Variants in NOTUM observed in about 807,000 individuals in gnomAD.
NOTUM encodes the protein palmitoleoyl-protein carboxylesterase NOTUM.
In NOTUM, 36 loss-of-function variants were observed where a neutral mutation model predicts 65.5. The observed-to-expected ratio is 0.55, with a 90% confidence interval of 0.42 to 0.73. The LOEUF (loss-of-function observed/expected upper bound fraction) is 0.73, where lower values mean the gene tolerates loss of function less well. NOTUM is among the 30% of genes least tolerant of loss of function. The pLI is 0.00. For synonymous variants in NOTUM, 356 were observed against 297.9 expected (o/e 1.20, Z -2.01); for missense variants, 659 against 694.2 (o/e 0.95, Z 0.57).
In NOTUM at chr17:81,955,559, G is replaced by C; in HGVS notation, c.989-15C>G. The C allele has an allele frequency of 6.2e-7, 1 of 1,604,718 alleles. No individual in the cohort carries two copies. Among genetic ancestry groups the C allele is most frequent in the Non-Finnish European group, 8.5e-7 (1 of 1,175,886 alleles). On this transcript the variant is annotated splice_polypyrimidine_tract_variant and intron_variant, in intron 8 of 10. Coordinates refer to ENST00000409678, the MANE Select transcript of NOTUM (RefSeq NM_178493.6). ...GAACACAGGGCCTGCGGGCGGCGGG[G>C]CTCAGTTCGGCCTCCCCTGACCCCC...
Position 81,958,241 on chromosome 17 carries a change from C to T in NOTUM, c.592+94G>A, listed in dbSNP as rs1047089659. 16 of 840,954 alleles carry T rather than the reference C, an allele frequency of 1.9e-5. No homozygotes were observed. In the African/African-American group the frequency reaches 2.3e-4, roughly 12 times the overall value. 52.1% of individuals were successfully genotyped at this position (840,954 alleles called of 1,614,324 possible). A position where few individuals can be genotyped will look rare whatever the true frequency, so the allele number is the denominator to read the frequency against. On this transcript the variant is annotated intron_variant, in intron 5 of 10. Transcript: ENST00000409678. ...GCTTTTCCCCAGAACCCCTGCCGTC[C>T]CGCCTCATCCCTGCCCTGCCGTCCT...
At position 81,959,572 on chromosome 17, in the gene NOTUM, G is replaced by A; in HGVS notation, c.377-6C>T. 1 of 1,548,522 alleles carries A rather than the reference G, an allele frequency of 6.5e-7. No individual in the cohort carries two copies. ...GTTGAAGCAGTACCAGCCGCCTGCGGACACGACCGCCGCTCAGGCCCGCGC... is the reference window on the plus strand; with the variant it reads ...GTTGAAGCAGTACCAGCCGCCTGCGAACACGACCGCCGCTCAGGCCCGCGC... On this transcript the variant is annotated splice_region_variant and splice_polypyrimidine_tract_variant and intron_variant, in intron 2 of 10. Coordinates refer to ENST00000409678, the MANE Select transcript of NOTUM (RefSeq NM_178493.6).
At chr17:81,959,772 G>T in intron 1 of NOTUM, 80 bp from the exon 2 acceptor site, 1 of 873,134 alleles carries the variant, frequency 1.1e-6, no homozygotes. Flanking sequence ...CCGGCGGAGG[G>T]AACGCGCCAC....
chr17:81,956,919 G>A lies in NOTUM; in HGVS notation c.851C>T (p.Thr284Met), dbSNP rs138384810. The change falls in exon 7 of 11, where the codon ACG (threonine) becomes ATG (methionine). Residue 284 changes from threonine to methionine, a missense_variant. Coordinates refer to ENST00000409678, the MANE Select transcript of NOTUM (RefSeq NM_178493.6). ...GCGGATGGCCTCCGTGGGCGCGCAC[G>A]TGATCGTGTCGACGCAGTCTGTGTG... is the stretch of plus-strand genomic sequence containing the variant. Reference protein sequence around the residue: ...YRHTDCVDTITCAPTEAIRRG... With the variant: ...YRHTDCVDTIMCAPTEAIRRG... 9.1e-5 allele frequency: 147 copies of A among 1,612,552 alleles called. 1 individual carries two copies. The highest frequency in any genetic ancestry group is 6.6e-4 in the Middle Eastern group (4 of 6,058).
At position 81,960,539 on chromosome 17, in the gene NOTUM, G is replaced by A. The variant is rs371832012; in HGVS notation, c.323+48C>T. 1.6e-4 allele frequency: 206 copies of A among 1,318,348 alleles called. No individual in the cohort carries two copies. In the African/African-American group the frequency reaches 2.7e-3, roughly 17 times the overall value. The allele number at this position is 1,318,348 out of a possible 1,614,324, so 81.7% of individuals were successfully genotyped here. The stretch of plus-strand genomic sequence containing the variant: ...GGCCCGCAGGGAAGGTCCAGCCGGA[G>A]ACCGGGCGCGTCGGGCGGGGCGGGG... On this transcript the variant is annotated intron_variant, in intron 1 of 10. Transcript: ENST00000409678. This position sits in a 1 kb window ranked among gnomAD's most constrained non-coding sequence, Gnocchi z 6.4.
chr17:81,954,549 G>T (rs113567121), intron 9 of NOTUM, among the ~76,000 whole-genome samples: 1,973 of 152,322 alleles, frequency 0.013, 20 homozygotes, highest in South Asian at 0.03. Flanking sequence ...ATGGCAAGAG[G>T]CTGCCCTAGA....
At position 81,960,718 on chromosome 17, in the gene NOTUM, G is replaced by A. The variant is rs376552740; in HGVS notation, c.192C>T (p.Asp64=). 3.7e-6 allele frequency: 6 copies of A among 1,603,922 alleles called. No homozygotes were observed. The highest frequency in any genetic ancestry group is 1.7e-5 in the Admixed American group (1 of 59,118). ...GGCTCTTGACTTGCGCCATGAAGCTGTCCATGTTACCCTCCACGGCCGTGA... is the reference window on the plus strand; with the variant it reads ...GGCTCTTGACTTGCGCCATGAAGCTATCCATGTTACCCTCCACGGCCGTGA... ...LDFTAVEGNM[D]SFMAQVKSLA... Residue 64 remains aspartate (D), a synonymous_variant, in exon 1 of 11, where the codon GAC becomes GAT. Coordinates refer to ENST00000409678, the MANE Select transcript of NOTUM (RefSeq NM_178493.6). The surrounding 1 kb of genome is among the most constrained non-coding windows in gnomAD (Gnocchi z 6.4).
intron 9 of NOTUM, among the ~76,000 whole-genome samples, chr17:81,954,786 TC>T (rs1266074365): frequency 2.0e-5 from 3 of 151,644 alleles, no homozygotes; most frequent in Non-Finnish European, 2.9e-5. Context: ...CTGGATAATT[TC>T]TGTATGTGCA....
At position 81,956,970 on chromosome 17, in the gene NOTUM, C is replaced by T; in HGVS notation, c.800G>A (p.Trp267Ter). ...GCGATACTGCTTGTTGTCCAGGAACCAGCCGGAGTCAGCCAGGCCTCGCAC... is the reference window on the plus strand; with the variant it reads ...GCGATACTGCTTGTTGTCCAGGAACTAGCCGGAGTCAGCCAGGCCTCGCAC... ...IQVRGLADSG[W>*]FLDNKQYRHT... Residue 267 changes from tryptophan to a stop codon, truncating the protein, a stop_gained, in exon 7 of 11, where the codon TGG becomes TAG. Coordinates refer to ENST00000409678, the MANE Select transcript of NOTUM (RefSeq NM_178493.6). LOFTEE classifies it high-confidence loss of function. 1 of 1,613,420 alleles carries T rather than the reference C, an allele frequency of 6.2e-7. No individual in the cohort carries two copies. The highest frequency in any genetic ancestry group is 8.5e-7 in the Non-Finnish European group (1 of 1,179,934).
At position 81,957,833 on chromosome 17, in the gene NOTUM, G is replaced by A. The variant is rs1490854880; in HGVS notation, c.668C>T (p.Ala223Val). ...RELLGRGLSGAKVLLLAGSSA... is the reference protein window; with the variant it reads ...RELLGRGLSGVKVLLLAGSSA... ...GCTCCCGGCCAGCAGCAGCACCTTG[G>A]CCCCGCTCAGCCCTCTGCCCAGAAG... Residue 223 changes from alanine to valine, a missense_variant, in exon 6 of 11, where the codon GCC (alanine) becomes GTC (valine). Physicochemically the swap from Ala to Val is moderately conservative, Grantham distance 64. Coordinates refer to ENST00000409678, the MANE Select transcript of NOTUM (RefSeq NM_178493.6). 1 of 1,607,732 alleles carries A rather than the reference G, an allele frequency of 6.2e-7. No homozygotes were observed.
intron 9 of NOTUM, among the ~76,000 whole-genome samples, chr17:81,954,959 CCTCTCTCTCTTT>C (rs2041419738): frequency 2.2e-5 from 1 of 46,510 alleles, no homozygotes; most frequent in Non-Finnish European, 6.6e-5. Context: ...CTCTCTCTCT[CCTCTCTCTCTTT>C]CTCTCTCTCT....
Position 81,959,583 on chromosome 17 carries a change from C to G in NOTUM, c.377-17G>C, listed in dbSNP as rs1405849075. 2.6e-6 allele frequency: 4 copies of G among 1,547,432 alleles called. No individual in the cohort carries two copies. The highest frequency in any genetic ancestry group is 3.5e-6 in the Non-Finnish European group (4 of 1,145,630). On this transcript the variant is annotated splice_polypyrimidine_tract_variant and intron_variant, in intron 2 of 10. Coordinates refer to ENST00000409678, the MANE Select transcript of NOTUM (RefSeq NM_178493.6). ...ACCAGCCGCCTGCGGACACGACCGC[C>G]GCTCAGGCCCGCGCGCACAGACCCC... is the stretch of plus-strand genomic sequence containing the variant.
chr17:81,953,297 C>A (rs1473352882), intron 10 of NOTUM, 30 bp from the exon 11 acceptor site: 1 of 1,520,222 alleles, frequency 6.6e-7, no homozygotes, highest in South Asian at 1.2e-5. Context: ...GAGGGGGTCA[C>A]ATGTGCGGAG....
Position 81,958,392 on chromosome 17 carries a change from A to C in NOTUM, c.535T>G (p.Phe179Val). 6.2e-7 allele frequency: 1 copy of C among 1,608,140 alleles called. No homozygotes were observed. The highest frequency in any genetic ancestry group is 8.5e-7 in the Non-Finnish European group (1 of 1,176,350). Residue 179 changes from phenylalanine (F) to valine (V), a missense_variant and splice_region_variant, in exon 5 of 11, where the codon TTC becomes GTC. Physicochemically the swap from Phe to Val is conservative, Grantham distance 50. Transcript: ENST00000409678. ...ACATCACTGGAGCAGTAGGGGATGA[A>C]GCTGCAACACAGAACAGAGTGAGCC... ...NPYWWNANMVFIPYCSSDVWS... is the reference protein window; with the variant it reads ...NPYWWNANMVVIPYCSSDVWS...
At chr17:81,959,944 T>A (rs1314387785) in intron 1 of NOTUM, 1 of 174,864 alleles carries the variant, frequency 5.7e-6, no homozygotes, top group African/African-American at 2.4e-5. Context: ...CCGGCGCGGG[T>A]CCCGCTGTCA....
rs1269850450 is a variant in NOTUM, at chr17:81,955,560, C to G, written c.989-16G>C. ...AACACAGGGCCTGCGGGCGGCGGGG[C>G]TCAGTTCGGCCTCCCCTGACCCCCG... On this transcript the variant is annotated splice_polypyrimidine_tract_variant and intron_variant, in intron 8 of 10. Coordinates refer to ENST00000409678, the MANE Select transcript of NOTUM (RefSeq NM_178493.6). The G allele has an allele frequency of 5.0e-6, 8 of 1,604,804 alleles. No homozygotes were observed. The East Asian group carries it at 1.8e-4, about 36-fold the overall frequency.
chr17:81,956,730 G>A lies in NOTUM; in HGVS notation c.908C>T (p.Pro303Leu), dbSNP rs2041436246. 6.2e-7 allele frequency: 1 copy of A among 1,612,740 alleles called. No homozygotes were observed. The highest frequency in any genetic ancestry group is 1.1e-5 in the South Asian group (1 of 91,070). Residue 303 changes from proline (P) to leucine (L), a missense_variant, in exon 8 of 11, where the codon CCG becomes CTG. Pro to Leu is a moderately conservative substitution (Grantham distance 98, BLOSUM62 -3). Coordinates refer to ENST00000409678, the MANE Select transcript of NOTUM (RefSeq NM_178493.6). ...CTGGAACTGGCGTCGGCAGCGCTCC[G>A]GGACCACCCCGTTCCAGTACCTGGA... Reference protein sequence around the residue: ...RGIRYWNGVVPERCRRQFQEG... With the variant: ...RGIRYWNGVVLERCRRQFQEG...
Position 81,956,684 on chromosome 17 carries a change from G to A in NOTUM, c.954C>T (p.Cys318=), listed in dbSNP as rs149148127. The A allele has an allele frequency of 1.2e-6, 2 of 1,612,788 alleles. No homozygotes were observed. Among genetic ancestry groups the A allele is most frequent in the African/African-American group, 1.3e-5 (1 of 74,934 alleles). Reference sequence around the variant, plus strand: ...TCGGGTAGACCTTGTAGCCAAAGAAGCAGTTCCACTCCTCGCCCTCCTGGA... The same window carrying A: ...TCGGGTAGACCTTGTAGCCAAAGAAACAGTTCCACTCCTCGCCCTCCTGGA... ...RQFQEGEEWN[C]FFGYKVYPTL... Residue 318 remains cysteine, a synonymous_variant, in exon 8 of 11, where the codon TGC becomes TGT. Transcript: ENST00000409678.
chr17:81,952,866 A>T lies in NOTUM; in HGVS notation c.*95T>A. ...GGGGGACGGCTGGGGCCCTGTCCCG[A>T]AGAGACGGGAGGGCCTGCTGGTGGG... On this transcript the variant is annotated 3_prime_UTR_variant, in exon 11 of 11. Coordinates refer to ENST00000409678, the MANE Select transcript of NOTUM (RefSeq NM_178493.6). 1 of 1,144,910 alleles carries T rather than the reference A, an allele frequency of 8.7e-7. No homozygotes were observed. The highest frequency in any genetic ancestry group is 1.3e-6 in the Non-Finnish European group (1 of 783,588). 70.9% of individuals were successfully genotyped at this position (1,144,910 alleles called of 1,614,324 possible). A position where few individuals can be genotyped will look rare whatever the true frequency, so the allele number is the denominator to read the frequency against.
Sources: allele counts gnomAD v4.1 joint callset (sites outside exome capture counted in the v4.1 genomes callset), GRCh38; gene constraint gnomAD v4.1.1; non-coding constraint Gnocchi (gnomAD v3.1); transcripts MANE v1.5; gene names NCBI Gene and HGNC (gene_info 2026-07-23, HGNC 2026-07-21).